Variants in SGCZ observed in about 807,000 individuals in gnomAD.
The protein encoded by SGCZ is zeta-sarcoglycan.
A neutral mutation model predicts 41.3 loss-of-function variants in SGCZ; 40 were observed. The observed-to-expected ratio is 0.97, with a 90% CI of 0.75 to 1.26. The LOEUF (loss-of-function observed/expected upper bound fraction) is 1.26. Ranked by LOEUF, SGCZ falls within the 50% of genes most tolerant of loss-of-function variation. The pLI is 0.00. For synonymous variants in SGCZ, 206 were observed against 137.5 expected, an observed-to-expected ratio of 1.50 and a Z score of -3.49; for missense variants, 552 against 369.8, an observed-to-expected ratio of 1.49 and a Z score of -4.04.
intron 4 of SGCZ, among the ~76,000 whole-genome samples, chr8:14,170,807 T>C (rs1054710759): frequency 6.6e-5 from 10 of 151,734 alleles, no homozygotes; most frequent in African/African-American, 1.7e-4. Context: ...AAGAAAAAAA[T>C]AGAAACAAAA....
At chr8:14,866,076 CTTACAATG>C (rs1803920785) in intron 1 of SGCZ, among the ~76,000 whole-genome samples, 1 of 151,832 alleles carries the variant, frequency 6.6e-6, no homozygotes, top group South Asian at 2.1e-4. Flanking sequence ...CTATTTAGGC[CTTACAATG>C]TAAAGCAGAA....
chr8:14,366,537 CT>C lies in SGCZ; in HGVS notation c.235-42334del, dbSNP rs554432468. ...AAAGTATAACCATATCATTCCACCCCTGGCCCCTCCTAGATCTTATATCCTC... is the reference window on the plus strand; with the variant it reads ...AAAGTATAACCATATCATTCCACCCCGGCCCCTCCTAGATCTTATATCCTC... On this transcript the variant is annotated intron_variant, in intron 2 of 7. Coordinates refer to ENST00000382080, the MANE Select transcript of SGCZ (RefSeq NM_139167.4). Among the ~76,000 whole-genome samples, 749 of 152,218 alleles carry C rather than the reference CT, an allele frequency of 4.9e-3. 1 individual carries two copies. The highest frequency in any genetic ancestry group is 0.017 in the Middle Eastern group (5 of 294).
At chr8:14,774,920 C>CT (rs1385722872) in intron 1 of SGCZ, among the ~76,000 whole-genome samples, 3 of 152,094 alleles carry the variant, frequency 2.0e-5, no homozygotes, top group Non-Finnish European at 4.4e-5. Context: ...TATTAAGGGC[C>CT]TTTGAAGGTT....
At chr8:14,112,164 G>T (rs987822271) in intron 5 of SGCZ, among the ~76,000 whole-genome samples, 4 of 151,460 alleles carry the variant, frequency 2.6e-5, no homozygotes, top group Non-Finnish European at 5.9e-5. Flanking sequence ...AGAAAGTCAG[G>T]CAGGAAATTA....
intron 1 of SGCZ, among the ~76,000 whole-genome samples, chr8:15,175,331 C>T (rs1202625801): frequency 6.6e-6 from 1 of 151,884 alleles, no homozygotes; most frequent in Non-Finnish European, 1.5e-5. Context: ...TACCTGTACG[C>T]CATAGATTAC....
At chr8:14,342,798 G>A (rs149416627) in intron 2 of SGCZ, among the ~76,000 whole-genome samples, 1 of 152,214 alleles carries the variant, frequency 6.6e-6, no homozygotes, top group Non-Finnish European at 1.5e-5. Flanking sequence ...ATTTGCATAA[G>A]TAGCAAGGAA....
chr8:15,206,463 T>C (rs1801070176), intron 1 of SGCZ, among the ~76,000 whole-genome samples: 1 of 150,844 alleles, frequency 6.6e-6, no homozygotes, highest in Admixed American at 6.6e-5. Context: ...TTTTTTTTTT[T>C]TTCTTGAGAT....
chr8:14,212,766 G>A (rs1279416063), intron 4 of SGCZ, among the ~76,000 whole-genome samples: 1 of 151,958 alleles, frequency 6.6e-6, no homozygotes, highest in Non-Finnish European at 1.5e-5. Context: ...AGGAATGAAG[G>A]ACAAGAATTT....
intron 2 of SGCZ, among the ~76,000 whole-genome samples, chr8:14,373,589 C>G (rs1563287323): frequency 6.6e-6 from 1 of 151,658 alleles, no homozygotes; most frequent in Non-Finnish European, 1.5e-5. Context: ...AGTATAGTAC[C>G]CTAAAAAACA....
intron 5 of SGCZ, among the ~76,000 whole-genome samples, chr8:14,118,072 GA>G (rs1213508484): frequency 1.3e-5 from 2 of 151,890 alleles, no homozygotes; most frequent in Admixed American, 1.3e-4. Context: ...ATAGTAGAAT[GA>G]TTTATAATCC....
At chr8:14,806,930 T>A (rs4419809) in intron 1 of SGCZ, among the ~76,000 whole-genome samples, 1 of 149,464 alleles carries the variant, frequency 6.7e-6, no homozygotes, top group African/African-American at 2.5e-5. Context: ...GTTCAATATA[T>A]GCAAATCAAT....
chr8:15,099,618 G>A (rs1251194327), intron 1 of SGCZ, among the ~76,000 whole-genome samples: 1 of 152,148 alleles, frequency 6.6e-6, no homozygotes, highest in Non-Finnish European at 1.5e-5. Flanking sequence ...GTCATTCTAT[G>A]AGGCCAGCAT....
chr8:14,975,550 G>A (rs758807283), intron 1 of SGCZ, among the ~76,000 whole-genome samples: 2 of 151,998 alleles, frequency 1.3e-5, no homozygotes, highest in African/African-American at 4.8e-5. Context: ...CAGTGAGATT[G>A]TTTTCACTGG....
intron 1 of SGCZ, among the ~76,000 whole-genome samples, chr8:15,229,934 T>A (rs947007376): frequency 3.9e-5 from 6 of 152,208 alleles, no homozygotes; most frequent in African/African-American, 1.4e-4. Flanking sequence ...ATAAGTTAGA[T>A]AATGATAATG....
At chr8:14,976,027 T>A (rs895705747) in intron 1 of SGCZ, among the ~76,000 whole-genome samples, 1 of 143,910 alleles carries the variant, frequency 6.9e-6, no homozygotes, top group Non-Finnish European at 1.5e-5. Context: ...CACATATATA[T>A]TTTTTTTTTT....
intron 1 of SGCZ, among the ~76,000 whole-genome samples, chr8:15,154,726 A>G (rs1370520436): frequency 6.6e-6 from 1 of 152,238 alleles, no homozygotes; most frequent in Non-Finnish European, 1.5e-5. Context: ...TCAAGCAATT[A>G]TAAACAAAAA....
At chr8:15,177,889 C>T (rs1800048077) in intron 1 of SGCZ, among the ~76,000 whole-genome samples, 1 of 152,268 alleles carries the variant, frequency 6.6e-6, no homozygotes, top group African/African-American at 2.4e-5. Flanking sequence ...CTACTCCAGC[C>T]TAAAGTTCAG....
At chr8:14,863,725 C>G (rs938417579) in intron 1 of SGCZ, among the ~76,000 whole-genome samples, 1 of 152,070 alleles carries the variant, frequency 6.6e-6, no homozygotes, top group African/African-American at 2.4e-5. Context: ...CTGATAAAAG[C>G]AGAGGGAGCT....
At chr8:14,142,721 G>A (rs751146363) in intron 5 of SGCZ, among the ~76,000 whole-genome samples, 8 of 152,156 alleles carry the variant, frequency 5.3e-5, no homozygotes, top group Non-Finnish European at 8.8e-5. Flanking sequence ...CTGGTGGGAG[G>A]TGACGAGGCC....
Sources: gnomAD v4.1 joint callset for allele counts (sites outside exome capture counted in the v4.1 genomes callset) on GRCh38, gnomAD v4.1.1 for gene constraint, MANE v1.5 for transcripts, NCBI Gene and HGNC (gene_info 2026-07-23, HGNC 2026-07-21) for gene names.